SRD5A2: variants seen among roughly 807,000 people sequenced by gnomAD.
SRD5A2 encodes the protein steroid 5 alpha-reductase 2, also known as 3-oxo-5-alpha-steroid 4-dehydrogenase 2.
Under a neutral mutation model 27.4 loss-of-function variants are expected in SRD5A2, and 30 were observed. The ratio of observed to expected loss-of-function variants is 1.10; its 90% CI spans 0.82 to 1.49. The LOEUF is 1.49. Ranked by LOEUF, SRD5A2 falls within the 40% of genes most tolerant of loss-of-function variation. SRD5A2 has a pLI of 0.00. For missense variants in SRD5A2, 348 were observed against 323.4 expected (o/e 1.08, Z -0.58); for synonymous variants, 141 against 133.6 (o/e 1.06, Z -0.38).
the SRD5A2 span, among the ~76,000 whole-genome samples, chr2:31,625,345 G>T: frequency 1.3e-5 from 2 of 152,150 alleles, no homozygotes; most frequent in Admixed American, 6.5e-5. Flanking sequence ...CTTTTGCTGT[G>T]CAGAAGTTCT....
chr2:31,595,621 G>A, the SRD5A2 span, among the ~76,000 whole-genome samples: 1 of 152,102 alleles, frequency 6.6e-6, no homozygotes, highest in African/African-American at 2.4e-5. Context: ...AATTCTGTCA[G>A]CATTCAAAGA....
chr2:31,636,562 T>C, the SRD5A2 span, among the ~76,000 whole-genome samples: 24 of 152,244 alleles, frequency 1.6e-4, no homozygotes, highest in Admixed American at 6.5e-4. Flanking sequence ...TTCCAGTCTT[T>C]AGAGGAAAGG....
chr2:31,618,024 G>A, the SRD5A2 span, among the ~76,000 whole-genome samples: 2 of 152,140 alleles, frequency 1.3e-5, no homozygotes, highest in Non-Finnish European at 2.9e-5. Flanking sequence ...CCTGAAACTG[G>A]GTACTCTATA....
At chr2:31,607,828 C>T in the SRD5A2 span, among the ~76,000 whole-genome samples, 4 of 151,960 alleles carry the variant, frequency 2.6e-5, no homozygotes, top group Admixed American at 6.6e-5. Context: ...GAAATTCTCA[C>T]CCCACCCCAG....
intron 4 of SRD5A2, among the ~76,000 whole-genome samples, chr2:31,528,982 C>G (rs996656503): frequency 6.6e-6 from 1 of 152,142 alleles, no homozygotes; most frequent in Non-Finnish European, 1.5e-5. Flanking sequence ...TCAGCTAACC[C>G]AAGAAGGTGC....
chr2:31,585,537 C>T (rs1667160120), upstream of SRD5A2, among the ~76,000 whole-genome samples: 1 of 152,106 alleles, frequency 6.6e-6, no homozygotes, highest in African/African-American at 2.4e-5. Context: ...GGTGACATTC[C>T]TAGAAACACC....
upstream of SRD5A2, among the ~76,000 whole-genome samples, chr2:31,582,935 T>G (rs1259943345): frequency 1.3e-5 from 2 of 151,928 alleles, no homozygotes; most frequent in Non-Finnish European, 2.9e-5. Context: ...GAATATTTTT[T>G]TAAATGAAAT....
upstream of SRD5A2, among the ~76,000 whole-genome samples, chr2:31,583,576 A>C (rs1405372121): frequency 6.9e-6 from 1 of 144,020 alleles, no homozygotes; most frequent in Admixed American, 7.4e-5. Flanking sequence ...TCAGCATATC[A>C]GGATCTGTGC....
intron 1 of SRD5A2, among the ~76,000 whole-genome samples, chr2:31,575,830 T>C (rs1166684893): frequency 1.3e-5 from 2 of 152,220 alleles, no homozygotes; most frequent in African/African-American, 4.8e-5. Context: ...CATTCAGTTA[T>C]CAAGGTCCCA....
At chr2:31,629,385 C>T in the SRD5A2 span, among the ~76,000 whole-genome samples, 80,679 of 151,934 alleles carry the variant, frequency 0.53, 21,687 homozygotes, top group Non-Finnish European at 0.57. Flanking sequence ...AACATTTTGG[C>T]GACCATGAAG....
At chr2:31,618,778 C>A in the SRD5A2 span, among the ~76,000 whole-genome samples, 1 of 152,000 alleles carries the variant, frequency 6.6e-6, no homozygotes, top group Non-Finnish European at 1.5e-5. Context: ...GCATAGTGAC[C>A]ACAGTTAGTA....
chr2:31,627,872 A>G, the SRD5A2 span, among the ~76,000 whole-genome samples: 1 of 151,956 alleles, frequency 6.6e-6, no homozygotes. Flanking sequence ...TTTAATTTGC[A>G]GAGGATGGTT....
At chr2:31,607,899 C>T in the SRD5A2 span, among the ~76,000 whole-genome samples, 1 of 151,796 alleles carries the variant, frequency 6.6e-6, no homozygotes, top group Non-Finnish European at 1.5e-5. Flanking sequence ...AGGGTGGAGC[C>T]CTCATGAATA....
chr2:31,529,167 A>T, intron 4 of SRD5A2, 140 bp downstream of exon 4: 1 of 1,236,840 alleles, frequency 8.1e-7, no homozygotes, highest in Non-Finnish European at 1.1e-6. Context: ...AAGTCAGAAT[A>T]TGCTAACCCA....
At chr2:31,628,904 G>A in the SRD5A2 span, among the ~76,000 whole-genome samples, 86 of 152,174 alleles carry the variant, frequency 5.7e-4, no homozygotes, top group Non-Finnish European at 1.0e-3. Context: ...TGGAGAATCC[G>A]ATGACTGTGT....
At chr2:31,541,295 T>G (rs1666123216) in intron 1 of SRD5A2, among the ~76,000 whole-genome samples, 1 of 151,520 alleles carries the variant, frequency 6.6e-6, no homozygotes, top group Non-Finnish European at 1.5e-5. Context: ...AAGAAGAGTC[T>G]GCATCCCAGA....
chr2:31,661,756 A>AT, the SRD5A2 span, among the ~76,000 whole-genome samples: 1 of 151,920 alleles, frequency 6.6e-6, no homozygotes, highest in Non-Finnish European at 1.5e-5. Context: ...TTCTTCAACT[A>AT]TTTTTTCCTC....
upstream of SRD5A2, among the ~76,000 whole-genome samples, chr2:31,583,481 T>G (rs757592248): frequency 2.0e-5 from 3 of 151,814 alleles, no homozygotes; most frequent in Non-Finnish European, 4.4e-5. Context: ...AAGAAGAAAG[T>G]GCCCAATTAT....
the SRD5A2 span, among the ~76,000 whole-genome samples, chr2:31,617,821 A>G: frequency 2.6e-5 from 4 of 152,190 alleles, no homozygotes; most frequent in Non-Finnish European, 1.5e-5. Flanking sequence ...AACATTCAAC[A>G]AGTCTCTAGG....
Sources: gnomAD v4.1 joint callset for allele counts (sites outside exome capture counted in the v4.1 genomes callset) on GRCh38, gnomAD v4.1.1 for gene constraint, MANE v1.5 for transcripts, NCBI Gene and HGNC (gene_info 2026-07-23, HGNC 2026-07-21) for gene names.